RAD54L: variants seen among roughly 807,000 people sequenced by gnomAD.
RAD54L encodes the protein DNA repair and recombination protein RAD54-like.
Under a neutral mutation model 91.6 loss-of-function variants are expected in RAD54L, and 74 were observed. The observed-to-expected ratio is 0.81, with a 90% CI of 0.67 to 0.98. The LOEUF is 0.98. Among genes scored for constraint, RAD54L ranks in the 50% least tolerant of loss-of-function variants. The probability of loss-of-function intolerance (pLI) is 0.00; values close to 1 mark genes in which losing one functional copy is unlikely to be tolerated. For synonymous variants in RAD54L, 304 were observed against 349.7 expected (o/e 0.87, Z 1.46); for missense variants, 887 against 945.7 (o/e 0.94, Z 0.81).
At chr1:46,252,533 G>GGATT (rs1166324872) in intron 3 of RAD54L, among the ~76,000 whole-genome samples, 1 of 152,030 alleles carries the variant, frequency 6.6e-6, no homozygotes, top group African/African-American at 2.4e-5. Flanking sequence ...GAAAAACTTG[G>GGATT]GATTGATTAC....
chr1:46,270,097 C>T (rs546097075), intron 9 of RAD54L, among the ~76,000 whole-genome samples: 2 of 150,424 alleles, frequency 1.3e-5, no homozygotes, highest in East Asian at 3.9e-4. Flanking sequence ...TGGCCGGGCA[C>T]GGTGGCTCAT....
At position 46,272,785 on chromosome 1, in the gene RAD54L, TA is replaced by T. The variant is rs1218433603; in HGVS notation, c.1361del (p.Lys454ArgfsTer9). On this transcript the variant is annotated frameshift_variant, in exon 12 of 18. Coordinates refer to ENST00000371975, the MANE Select transcript of RAD54L (RefSeq NM_003579.4). LOFTEE classifies it high-confidence loss of function. The part of the protein sequence containing the change: ...SVSSLSSITS[L>X]KKLCNHPALI... ...TCTTCCCTTTCTTCCATCACCTCGC[TA>T]AAGAAGCTTTGTAATCGTGAGTTGG... 2 of 1,614,196 alleles carry T rather than the reference TA, an allele frequency of 1.2e-6. No individual in the cohort carries two copies. The highest frequency in any genetic ancestry group is 8.5e-7 in the Non-Finnish European group (1 of 1,180,030).
chr1:46,248,531 G>C lies in RAD54L; in HGVS notation c.23G>C (p.Ser8Thr). The C allele has an allele frequency of 6.2e-7, 1 of 1,614,158 alleles. No individual in the cohort carries two copies. Among genetic ancestry groups the C allele is most frequent in the Non-Finnish European group, 8.5e-7 (1 of 1,180,040 alleles). The change falls in exon 2 of 18, where the codon AGC (serine) becomes ACC (threonine). Residue 8 changes from serine to threonine, a missense_variant. Physicochemically the swap from Ser to Thr is moderately conservative, Grantham distance 58. Transcript: ENST00000371975. Reference sequence around the variant, plus strand: ...TTACAGAGGAGGAGCTTGGCTCCCAGCCAGCTGGCCAAGAGAAAACCTGAA... The same window carrying C: ...TTACAGAGGAGGAGCTTGGCTCCCACCCAGCTGGCCAAGAGAAAACCTGAA... MRRSLAP[S>T]QLAKRKPEGR...
At chr1:46,269,371 A>C (rs1660358199) in intron 9 of RAD54L, among the ~76,000 whole-genome samples, 2 of 148,194 alleles carry the variant, frequency 1.3e-5, no homozygotes, top group Non-Finnish European at 3.0e-5. Context: ...TGCAGTGGTG[A>C]GATCATGGCT....
chr1:46,248,808 A>C (rs1289748641), intron 2 of RAD54L, among the ~76,000 whole-genome samples: 3 of 152,194 alleles, frequency 2.0e-5, no homozygotes, highest in African/African-American at 7.2e-5. Flanking sequence ...ATATAGCCTC[A>C]GTTTTCCTGG....
At chr1:46,274,414 A>G in intron 15 of RAD54L, 124 bp from the exon 16 acceptor site, 1 of 1,337,610 alleles carries the variant, frequency 7.5e-7, no homozygotes, top group Non-Finnish European at 1.1e-6. Flanking sequence ...TGAGCAGATA[A>G]ACTGGTGGTT....
At chr1:46,268,307 G>T (rs1481236780) in intron 9 of RAD54L, among the ~76,000 whole-genome samples, 1 of 152,096 alleles carries the variant, frequency 6.6e-6, no homozygotes, top group African/African-American at 2.4e-5. Context: ...AACAGAGCAA[G>T]GCCCTGTCTC....
intron 4 of RAD54L, among the ~76,000 whole-genome samples, chr1:46,259,701 G>A (rs112638255): frequency 2.2e-3 from 337 of 152,022 alleles, no homozygotes; most frequent in African/African-American, 7.8e-3. Context: ...GCTTGAACCT[G>A]GGAGGCAGAG....
Position 46,248,274 on chromosome 1 carries a change from T to G in RAD54L, c.-132T>G. On this transcript the variant is annotated 5_prime_UTR_variant, in exon 1 of 18. Transcript: ENST00000371975. Reference sequence around the variant, plus strand: ...GATTCCCGCCATCCATGCCCCCTCTTTAATTAGCCGGTCCTCTCAATAATG... The same window carrying G: ...GATTCCCGCCATCCATGCCCCCTCTGTAATTAGCCGGTCCTCTCAATAATG... 8.3e-7 allele frequency: 1 copy of G among 1,200,704 alleles called. No individual in the cohort carries two copies. Among genetic ancestry groups the G allele is most frequent in the Non-Finnish European group, 1.2e-6 (1 of 823,858 alleles). 74.4% of individuals were successfully genotyped at this position (1,200,704 alleles called of 1,614,324 possible). A position where few individuals can be genotyped will look rare whatever the true frequency, so the allele number is the denominator to read the frequency against.
rs191958714 is a variant in RAD54L at position 46,263,642 on chromosome 1, T to A, written c.891+2257T>A. On this transcript the variant is annotated intron_variant, in intron 8 of 17. Coordinates refer to ENST00000371975, the MANE Select transcript of RAD54L (RefSeq NM_003579.4). The surrounding 1 kb of genome is among the most constrained non-coding windows in gnomAD (Gnocchi z 4.3). ...GGGAACTTACCAGGTTGAGGTGAGG[T>A]ATGCATGTTACTGCCCTGTGGTTCA... Among the ~76,000 whole-genome samples, 1 of 152,082 alleles carries A rather than the reference T, an allele frequency of 6.6e-6. No homozygotes were observed. The highest frequency in any genetic ancestry group is 1.9e-4 in the East Asian group (1 of 5,184).
At chr1:46,260,436 T>A in intron 5 of RAD54L, 106 bp from the exon 6 acceptor site, 1 of 1,178,382 alleles carries the variant, frequency 8.5e-7, no homozygotes, top group Non-Finnish European at 1.3e-6. Flanking sequence ...AAGGTCTTCT[T>A]TTAGGCAGCT....
chr1:46,274,643 A>G lies in RAD54L; in HGVS notation c.1795A>G (p.Asn599Asp). Residue 599 changes from asparagine (N) to aspartate (D), a missense_variant, in exon 16 of 18, where the codon AAT becomes GAT. By Grantham distance (23) the Asn-to-Asp change is conservative (BLOSUM62 1). Transcript: ENST00000371975. ...GTTTGACCCTGACTGGAACCCAGCC[A>G]ATGATGAACAAGCCATGGCCCGGGT... ...VMFDPDWNPA[N>D]DEQAMARVWR... 6.2e-7 allele frequency: 1 copy of G among 1,614,122 alleles called. No homozygotes were observed. Among genetic ancestry groups the G allele is most frequent in the Non-Finnish European group, 8.5e-7 (1 of 1,180,034 alleles).
At chr1:46,248,734 C>T in intron 2 of RAD54L, 136 bp downstream of exon 2, 1 of 779,326 alleles carries the variant, frequency 1.3e-6, no homozygotes, top group South Asian at 1.5e-5. Context: ...TGAGTACTTA[C>T]TATGTGCCAG....
At position 46,256,229 on chromosome 1, in the gene RAD54L, C is replaced by T. The variant is rs374158689; in HGVS notation, c.211-2457C>T. On this transcript the variant is annotated intron_variant, in intron 3 of 17. Transcript: ENST00000371975. ...GTAGCTGGGACCATGTGCCACAGTGCCTGGGTAATTTTTAAATTTTGTGTA... is the reference window on the plus strand; with the variant it reads ...GTAGCTGGGACCATGTGCCACAGTGTCTGGGTAATTTTTAAATTTTGTGTA... 6.2e-4 allele frequency among the ~76,000 whole-genome samples: 94 copies of T among 152,010 alleles called. 2 individuals are homozygous for T. In the South Asian group the frequency reaches 0.018, roughly 29 times the overall value.
At position 46,263,608 on chromosome 1, in the gene RAD54L, G is replaced by C. The variant is rs1331112612; in HGVS notation, c.891+2223G>C. Reference sequence around the variant, plus strand: ...GGGTCTTCAAACTCCCAACTTCCTGGTAGGAGTAGGGAACTTACCAGGTTG... The same window carrying C: ...GGGTCTTCAAACTCCCAACTTCCTGCTAGGAGTAGGGAACTTACCAGGTTG... On this transcript the variant is annotated intron_variant, in intron 8 of 17. Coordinates refer to ENST00000371975, the MANE Select transcript of RAD54L (RefSeq NM_003579.4). The surrounding 1 kb of genome is among the most constrained non-coding windows in gnomAD (Gnocchi z 4.3). Among the ~76,000 whole-genome samples the C allele has an allele frequency of 6.6e-6, 1 of 152,074 alleles. No individual in the cohort carries two copies. The highest frequency in any genetic ancestry group is 1.5e-5 in the Non-Finnish European group (1 of 68,016).
chr1:46,261,069 T>G, intron 7 of RAD54L, 54 bp downstream of exon 7: 1 of 1,592,198 alleles, frequency 6.3e-7, no homozygotes, highest in Middle Eastern at 2.2e-4. Flanking sequence ...TGCTGCTTTC[T>G]TACGTGTATG....
chr1:46,254,583 CTTT>C (rs768862202), intron 3 of RAD54L, among the ~76,000 whole-genome samples: 5 of 130,180 alleles, frequency 3.8e-5, no homozygotes, highest in Non-Finnish European at 5.0e-5. Context: ...GGAGCACTGA[CTTT>C]TTTTTTTTTT....
In RAD54L at chr1:46,265,828, A is replaced by C. The variant is rs1439222768; in HGVS notation, c.892-1631A>C. On this transcript the variant is annotated intron_variant, in intron 8 of 17. Coordinates refer to ENST00000371975, the MANE Select transcript of RAD54L (RefSeq NM_003579.4). The surrounding 1 kb of genome is among the most constrained non-coding windows in gnomAD (Gnocchi z 4.8). ...TCAGAGTCATACAGACCTGAGTTCA[A>C]ATCCCAGCTCTGCTACTTTCTACCG... 2.6e-5 allele frequency among the ~76,000 whole-genome samples: 4 copies of C among 152,198 alleles called. No individual in the cohort carries two copies. Among genetic ancestry groups the C allele is most frequent in the Admixed American group, 2.0e-4 (3 of 15,272 alleles).
Position 46,272,515 on chromosome 1 carries a change from AAG to A in RAD54L, c.1221_1222del (p.Lys407AsnfsTer2), listed in dbSNP as rs1353869318. 5 of 1,612,550 alleles carry A rather than the reference AAG, an allele frequency of 3.1e-6. No individual in the cohort carries two copies. ...TATCCTTTCTAAATATCTGCCTGTG[AAG>A]ATTGAGCAGGTCGTTTGTTGTAGGT... is the stretch of plus-strand genomic sequence containing the variant. Reference protein sequence around the residue: ...SDILSKYLPVKIEQVVCCRLT... With the variant: ...SDILSKYLPVXIEQVVCCRLT... On this transcript the variant is annotated frameshift_variant, in exon 11 of 18. Coordinates refer to ENST00000371975, the MANE Select transcript of RAD54L (RefSeq NM_003579.4). LOFTEE classifies it high-confidence loss of function.
Sources: gnomAD v4.1 joint callset for allele counts (sites outside exome capture counted in the v4.1 genomes callset) on GRCh38, gnomAD v4.1.1 for gene constraint, Gnocchi (gnomAD v3.1) non-coding constraint, MANE v1.5 for transcripts, NCBI Gene and HGNC (gene_info 2026-07-23, HGNC 2026-07-21) for gene names.